The following NBAS variants were observed in gnomAD, a reference collection of about 807,000 sequenced individuals.
NBAS encodes the protein NBAS subunit of NRZ tethering complex, also known as NAG/BC035112 fusion.
In NBAS, 219 loss-of-function variants were observed where a neutral mutation model predicts 302.5. The ratio of observed to expected loss-of-function variants is 0.72; its 90% CI spans 0.65 to 0.81. The LOEUF is 0.81. Among genes scored for constraint, NBAS ranks in the 30% least tolerant of loss-of-function variants. The probability of loss-of-function intolerance (pLI) is 0.00; values close to 1 mark genes in which losing one functional copy is unlikely to be tolerated. For synonymous variants in NBAS, 1,118 were observed against 1,021.6 expected (o/e 1.09, Z -1.80); for missense variants, 2,932 against 2,841.6 (o/e 1.03, Z -0.72).
the NBAS span, among the ~76,000 whole-genome samples, chr2:14,972,470 A>C: frequency 5.3e-5 from 8 of 152,180 alleles, no homozygotes; most frequent in African/African-American, 1.9e-4. Context: ...ACGTTTGTCA[A>C]ATGGTACCCT....
the NBAS span, among the ~76,000 whole-genome samples, chr2:14,960,481 T>C: frequency 6.6e-6 from 1 of 152,224 alleles, no homozygotes; most frequent in Non-Finnish European, 1.5e-5. Context: ...TTAAGTCTTC[T>C]AATTCTCACA....
chr2:14,808,879 AG>A, the NBAS span, among the ~76,000 whole-genome samples: 1 of 152,222 alleles, frequency 6.6e-6, no homozygotes, highest in African/African-American at 2.4e-5. Flanking sequence ...ATCCAGGCTG[AG>A]GTGGTCTCAG....
At chr2:15,382,076 T>C (rs1303302819) in intron 29 of NBAS, among the ~76,000 whole-genome samples, 1 of 143,750 alleles carries the variant, frequency 7.0e-6, no homozygotes, top group African/African-American at 2.6e-5. Flanking sequence ...TAAAAATGAG[T>C]TAGGTCATTT....
chr2:15,414,838 G>A (rs960081139), intron 25 of NBAS, among the ~76,000 whole-genome samples: 6 of 152,050 alleles, frequency 3.9e-5, no homozygotes, highest in East Asian at 1.9e-4. Flanking sequence ...CCAGCTACTC[G>A]GAAGGCTGAG....
In NBAS at chr2:15,352,033, T is replaced by A. The variant is rs75805245; in HGVS notation, c.4138A>T (p.Asn1380Tyr). 18 of 1,612,316 alleles carry A rather than the reference T, an allele frequency of 1.1e-5. No individual in the cohort carries two copies. Among genetic ancestry groups the A allele is most frequent in the Non-Finnish European group, 1.5e-5 (18 of 1,178,456 alleles). ...CTAGTTAATGGTGAAGCACTGATAT[T>A]TTCCCCTCCTTCATGATGGATCTGG... ...NFQIHHEGGENISASPLTSKA... is the reference protein window; with the variant it reads ...NFQIHHEGGEYISASPLTSKA... The change falls in exon 35 of 52, where the codon AAT (asparagine) becomes TAT (tyrosine). Residue 1380 changes from asparagine to tyrosine, a missense_variant. Transcript: ENST00000281513.
rs77316848 is a variant in NBAS at position 15,456,687 on chromosome 2, A to G, written c.2339+4514T>C. 6.3e-3 allele frequency among the ~76,000 whole-genome samples: 963 copies of G among 152,356 alleles called. 9 individuals carry two copies. The highest frequency in any genetic ancestry group is 0.022 in the African/African-American group (929 of 41,592). ...AACAAAACACACAAAATCGCTGTCCATTGGAGCTGCTATTTCAGAAGGGGA... is the reference window on the plus strand; with the variant it reads ...AACAAAACACACAAAATCGCTGTCCGTTGGAGCTGCTATTTCAGAAGGGGA... On this transcript the variant is annotated intron_variant, in intron 21 of 51. Coordinates refer to ENST00000281513, the MANE Select transcript of NBAS (RefSeq NM_015909.4).
chr2:15,056,709 G>A, the NBAS span, among the ~76,000 whole-genome samples: 1 of 152,314 alleles, frequency 6.6e-6, no homozygotes, highest in South Asian at 2.1e-4. Flanking sequence ...CGGGAGCAGG[G>A]TTGAGTGTAG....
the NBAS span, among the ~76,000 whole-genome samples, chr2:15,143,646 C>T: frequency 4.5e-3 from 692 of 152,150 alleles, 11 homozygotes; most frequent in African/African-American, 0.016. Flanking sequence ...ACACACCCCT[C>T]GTATGATGGT....
chr2:15,231,468 A>T (rs1382437874), intron 47 of NBAS, among the ~76,000 whole-genome samples: 7 of 152,148 alleles, frequency 4.6e-5, no homozygotes, highest in Admixed American at 4.6e-4. Flanking sequence ...TCTATTTCCC[A>T]GCTGTATGAC....
the NBAS span, among the ~76,000 whole-genome samples, chr2:14,843,037 T>A: frequency 6.6e-5 from 10 of 151,978 alleles, no homozygotes; most frequent in African/African-American, 1.7e-4. Flanking sequence ...AATGTGATAC[T>A]TCATACTGAC....
intron 11 of NBAS, among the ~76,000 whole-genome samples, chr2:15,501,277 C>A (rs1326319997): frequency 4.1e-5 from 6 of 147,130 alleles, no homozygotes; most frequent in African/African-American, 1.6e-4. Flanking sequence ...CGACACTCTG[C>A]CTCAAAAAAA....
chr2:14,812,297 C>T, the NBAS span, among the ~76,000 whole-genome samples: 1 of 152,186 alleles, frequency 6.6e-6, no homozygotes, highest in African/African-American at 2.4e-5. Context: ...TAAAACTTGT[C>T]AGTTCCTACT....
chr2:14,794,303 C>T, the NBAS span, among the ~76,000 whole-genome samples: 9 of 152,216 alleles, frequency 5.9e-5, no homozygotes, highest in South Asian at 4.1e-4. Context: ...AGATTTAGCT[C>T]GTCATGTTTT....
intron 21 of NBAS, among the ~76,000 whole-genome samples, chr2:15,436,187 T>A (rs975495019): frequency 6.6e-6 from 1 of 152,192 alleles, no homozygotes; most frequent in African/African-American, 2.4e-5. Context: ...CAAATCAAGC[T>A]GTGAAAACTT....
chr2:15,352,164 A>T (rs551944674), intron 34 of NBAS, 83 bp from the exon 35 acceptor site: 14 of 964,810 alleles, frequency 1.5e-5, no homozygotes, highest in Non-Finnish European at 2.3e-5. Flanking sequence ...AAATTTAAAA[A>T]GTACTTTTAA....
chr2:14,791,990 G>A, the NBAS span, among the ~76,000 whole-genome samples: 2 of 151,964 alleles, frequency 1.3e-5, no homozygotes, highest in Non-Finnish European at 2.9e-5. Context: ...TTTAGAGGGT[G>A]ATCAGGTCAG....
At chr2:14,799,597 T>C in the NBAS span, among the ~76,000 whole-genome samples, 1 of 152,174 alleles carries the variant, frequency 6.6e-6, no homozygotes, top group Non-Finnish European at 1.5e-5. Flanking sequence ...TATTGCTTAA[T>C]TGAGTAGTCT....
the NBAS span, among the ~76,000 whole-genome samples, chr2:14,781,515 A>G: frequency 6.6e-6 from 1 of 152,076 alleles, no homozygotes; most frequent in African/African-American, 2.4e-5. Flanking sequence ...GGTTCTGGTC[A>G]TTTCTTTTCT....
intron 51 of NBAS, among the ~76,000 whole-genome samples, chr2:15,169,067 CT>C (rs1664167069): frequency 6.6e-6 from 1 of 152,204 alleles, no homozygotes; most frequent in South Asian, 2.1e-4. Context: ...CATTATGAAA[CT>C]TTGTCACATT....
Sources: gnomAD v4.1 joint callset for allele counts (sites outside exome capture counted in the v4.1 genomes callset) on GRCh38, gnomAD v4.1.1 for gene constraint, MANE v1.5 for transcripts, NCBI Gene and HGNC (gene_info 2026-07-23, HGNC 2026-07-21) for gene names.